The following NRG1 variants were observed in gnomAD, a reference collection of about 807,000 sequenced individuals.
The protein encoded by NRG1 is pro-neuregulin-1, membrane-bound isoform.
A neutral mutation model predicts 63.8 loss-of-function variants in NRG1; 18 were observed. That is an observed-to-expected ratio of 0.28 (90% confidence interval 0.19 to 0.42). The LOEUF (loss-of-function observed/expected upper bound fraction) is 0.42, where lower values mean the gene tolerates loss of function less well. NRG1 is among the 10% of genes least tolerant of loss of function. The pLI is 1.00. For synonymous variants in NRG1, 302 were observed against 301.3 expected, an observed-to-expected ratio of 1.00 and a Z score of -0.02; for missense variants, 762 against 814.7, an observed-to-expected ratio of 0.94 and a Z score of 0.79.
At chr8:32,048,448 T>TAC (rs1282166835) in intron 1 of NRG1, among the ~76,000 whole-genome samples, 1 of 1,426 alleles carries the variant, frequency 7.0e-4, no homozygotes, top group African/African-American at 7.7e-4. Flanking sequence ...TATACATACA[T>TAC]ATATATATAT....
intron 1 of NRG1, among the ~76,000 whole-genome samples, chr8:31,736,817 G>A (rs139493475): frequency 5.3e-5 from 8 of 152,242 alleles, no homozygotes; most frequent in Non-Finnish European, 1.0e-4. Context: ...TAGATAAGTA[G>A]CAGTTGTTAT....
intron 1 of NRG1, among the ~76,000 whole-genome samples, chr8:32,143,088 G>A (rs996082103): frequency 3.3e-5 from 5 of 152,160 alleles, no homozygotes; most frequent in African/African-American, 7.2e-5. Flanking sequence ...GTCAGCAGCT[G>A]AAGTCAACTG....
At chr8:31,639,604 G>A in intron 1 of NRG1, 1 of 959,006 alleles carries the variant, frequency 1.0e-6, no homozygotes. Flanking sequence ...CACCCGCGGA[G>A]CAGCTCCTCC....
intron 1 of NRG1, among the ~76,000 whole-genome samples, chr8:31,949,372 C>A (rs1233869847): frequency 6.6e-6 from 1 of 152,200 alleles, no homozygotes; most frequent in African/African-American, 2.4e-5. Context: ...TTTATCATCT[C>A]TACTTCTTTA....
In NRG1 at chr8:32,266,818, G is replaced by A. The variant is rs185663195; in HGVS notation, c.38-329010G>A. Among the ~76,000 whole-genome samples, 1,099 of 149,794 alleles carry A rather than the reference G, an allele frequency of 7.3e-3. 8 individuals are homozygous for A. Among genetic ancestry groups the A allele is most frequent in the Non-Finnish European group, 0.013 (856 of 67,726 alleles). ...TGGAAGGCTGAGGTGGGTGGATCAT[G>A]AGGTCAGGAGATCGAAATCATCCTG... is the stretch of plus-strand genomic sequence containing the variant. On this transcript the variant is annotated intron_variant, in intron 1 of 10. Transcript: ENST00000519301.
chr8:31,639,836 A>AC, intron 1 of NRG1: 1 of 1,138,556 alleles, frequency 8.8e-7, no homozygotes, highest in East Asian at 4.9e-5. Context: ...CAACTCTCCT[A>AC]CCCCTGCACC....
chr8:32,354,811 A>C (rs989088405), intron 1 of NRG1, among the ~76,000 whole-genome samples: 7 of 150,992 alleles, frequency 4.6e-5, no homozygotes, highest in Non-Finnish European at 1.0e-4. Context: ...AAAAAAAAAA[A>C]AAACATATAA....
intron 1 of NRG1, among the ~76,000 whole-genome samples, chr8:31,853,756 G>T (rs1180741762): frequency 2.0e-5 from 3 of 151,808 alleles, no homozygotes; most frequent in Non-Finnish European, 2.9e-5. Context: ...GTTTGTCATA[G>T]ATAGCTCTTA....
intron 1 of NRG1, among the ~76,000 whole-genome samples, chr8:32,520,039 A>G (rs1026925299): frequency 6.6e-5 from 10 of 152,158 alleles, no homozygotes; most frequent in African/African-American, 2.4e-4. Flanking sequence ...CTCATATTCT[A>G]AAGAATAAAA....
At chr8:32,415,726 C>G (rs1263888084) in intron 1 of NRG1, among the ~76,000 whole-genome samples, 2 of 152,122 alleles carry the variant, frequency 1.3e-5, no homozygotes, top group Non-Finnish European at 2.9e-5. Flanking sequence ...CCCCCTTTAA[C>G]TCTCTTTGTA....
chr8:32,709,362 T>C (rs1271962503), intron 5 of NRG1, among the ~76,000 whole-genome samples: 1 of 152,064 alleles, frequency 6.6e-6, no homozygotes, highest in African/African-American at 2.4e-5. Context: ...TTAACTTATT[T>C]TGAACAAATC....
At chr8:31,960,925 A>G (rs1360176242) in intron 1 of NRG1, among the ~76,000 whole-genome samples, 2 of 152,134 alleles carry the variant, frequency 1.3e-5, no homozygotes, top group Non-Finnish European at 2.9e-5. Context: ...ATTTCTACTC[A>G]TTTACCTTAG....
intron 1 of NRG1, among the ~76,000 whole-genome samples, chr8:31,665,609 G>A (rs185152726): frequency 7.1e-4 from 108 of 152,296 alleles, no homozygotes; most frequent in Non-Finnish European, 1.2e-3. Flanking sequence ...TTTTAAACTA[G>A]ATTACTTTTA....
chr8:32,756,639 A>T, intron 9 of NRG1, 110 bp downstream of exon 9: 1 of 1,406,646 alleles, frequency 7.1e-7, no homozygotes, highest in South Asian at 1.5e-5. Flanking sequence ...ATTAATCACC[A>T]TGGCTTCCAG....
At chr8:31,878,312 T>C (rs1585445469) in intron 1 of NRG1, among the ~76,000 whole-genome samples, 1 of 152,220 alleles carries the variant, frequency 6.6e-6, no homozygotes, top group East Asian at 1.9e-4. Context: ...GATTTTTAAA[T>C]TTTGTATACA....
intron 1 of NRG1, among the ~76,000 whole-genome samples, chr8:32,014,345 C>T (rs1196281164): frequency 6.6e-6 from 1 of 152,014 alleles, no homozygotes; most frequent in African/African-American, 2.4e-5. Flanking sequence ...CATGATTTGG[C>T]TCTGTTTGTC....
At chr8:31,736,790 A>G (rs1167562988) in intron 1 of NRG1, among the ~76,000 whole-genome samples, 2 of 152,142 alleles carry the variant, frequency 1.3e-5, no homozygotes, top group Admixed American at 1.3e-4. Flanking sequence ...GCCATTCCTC[A>G]TTATATATAA....
intron 1 of NRG1, among the ~76,000 whole-genome samples, chr8:31,790,965 C>T (rs758998569): frequency 1.4e-4 from 22 of 152,192 alleles, no homozygotes; most frequent in South Asian, 1.0e-3. Flanking sequence ...AATCCCAGCA[C>T]TTTGGGAGGC....
chr8:32,385,687 A>G (rs1395380401), intron 1 of NRG1, among the ~76,000 whole-genome samples: 1 of 152,112 alleles, frequency 6.6e-6, no homozygotes, highest in African/African-American at 2.4e-5. Flanking sequence ...GTGTTAAACC[A>G]GTCAAGAGAA....
Sources: gnomAD v4.1 joint callset for allele counts (sites outside exome capture counted in the v4.1 genomes callset) on GRCh38, gnomAD v4.1.1 for gene constraint, MANE v1.5 for transcripts, NCBI Gene and HGNC (gene_info 2026-07-23, HGNC 2026-07-21) for gene names.